The following ATG7 variants were observed in gnomAD, a reference collection of about 807,000 sequenced individuals.
The protein encoded by ATG7 is ubiquitin-like modifier-activating enzyme ATG7.
ATG7 carries 70 observed loss-of-function variants against 82.4 expected under a neutral mutation model. The observed-to-expected ratio is 0.85, with a 90% CI of 0.70 to 1.04. The LOEUF (loss-of-function observed/expected upper bound fraction) is 1.04, where lower values mean the gene tolerates loss of function less well. ATG7 is among the 50% of genes least tolerant of loss of function. The pLI, the probability that ATG7 is intolerant of heterozygous loss-of-function variation, is 0.00. For synonymous variants in ATG7, 287 were observed against 313.0 expected (o/e 0.92, Z 0.88); for missense variants, 792 against 864.3 (o/e 0.92, Z 1.05).
intron 10 of ATG7, 49 bp downstream of exon 10, chr3:11,331,477 A>G (rs1454314465): frequency 2.2e-6 from 3 of 1,346,848 alleles, no homozygotes; most frequent in Admixed American, 1.7e-5. Context: ...TTGCCAGTAT[A>G]TGTTTTACAA....
At chr3:11,425,698 A>C (rs2152940862) in intron 19 of ATG7, among the ~76,000 whole-genome samples, 1 of 152,132 alleles carries the variant, frequency 6.6e-6, no homozygotes, top group African/African-American at 2.4e-5. Flanking sequence ...TCCAAAAAAA[A>C]CACATAAGTC....
At chr3:11,534,547 C>T (rs1037515431) in intron 20 of ATG7, among the ~76,000 whole-genome samples, 3 of 152,240 alleles carry the variant, frequency 2.0e-5, no homozygotes, top group African/African-American at 7.2e-5. Context: ...CCTGAATGTG[C>T]GTCCTTCATG....
At chr3:11,520,836 G>A (rs1392005497) in intron 20 of ATG7, among the ~76,000 whole-genome samples, 1 of 152,126 alleles carries the variant, frequency 6.6e-6, no homozygotes, top group African/African-American at 2.4e-5. Flanking sequence ...CATTTAGTAG[G>A]AGCCACCCCA....
chr3:11,276,569 C>G (rs754421307), intron 1 of ATG7, among the ~76,000 whole-genome samples: 1 of 152,188 alleles, frequency 6.6e-6, no homozygotes, highest in African/African-American at 2.4e-5. Context: ...ATCCTGCTCT[C>G]GTCCCACCAC....
chr3:11,420,821 T>C (rs1416022649), intron 19 of ATG7, among the ~76,000 whole-genome samples: 1 of 149,934 alleles, frequency 6.7e-6, no homozygotes, highest in African/African-American at 2.5e-5. Flanking sequence ...AATGGCGCGA[T>C]CTCGGCTCAC....
At position 11,408,016 on chromosome 3, in the gene ATG7, G is replaced by T. The variant is rs181814566; in HGVS notation, c.1957-18788G>T. 1.6e-3 allele frequency among the ~76,000 whole-genome samples: 238 copies of T among 152,336 alleles called. 1 individual carries two copies. Among genetic ancestry groups the T allele is most frequent in the African/African-American group, 5.6e-3 (232 of 41,574 alleles). The stretch of plus-strand genomic sequence containing the variant: ...TGGCTTGAATTTCTCCTCAGAAAAT[G>T]GGATTTTCTTTTCTATTGCATTGTC... On this transcript the variant is annotated intron_variant, in intron 19 of 20. Coordinates refer to ENST00000693202, the MANE Select transcript of ATG7 (RefSeq NM_001349232.2).
rs757901917 is a variant in ATG7 at position 11,481,192 on chromosome 3, C to T, written c.2079+54266C>T. On this transcript the variant is annotated intron_variant, in intron 20 of 20. Coordinates refer to ENST00000693202, the MANE Select transcript of ATG7 (RefSeq NM_001349232.2). The stretch of plus-strand genomic sequence containing the variant: ...ACAAATATAGGAGTTAGGGTTTAAC[C>T]GGTACAAGGTTTCAGCTGGGGGCAG... Among the ~76,000 whole-genome samples the T allele has an allele frequency of 6.6e-5, 10 of 152,222 alleles. 1 individual carries two copies. Among genetic ancestry groups the T allele is most frequent in the African/African-American group, 1.2e-4 (5 of 41,524 alleles).
rs1422083175 is a variant in ATG7 at position 11,277,899 on chromosome 3, C to CCA, written c.-365-3094_-365-3093insAC. Among the ~76,000 whole-genome samples the CCA allele has an allele frequency of 2.2e-5, 3 of 133,584 alleles. No individual in the cohort carries two copies. In the South Asian group the frequency reaches 9.8e-4, roughly 44 times the overall value. The allele number at this position is 133,584 out of a possible 152,430, so 87.6% of individuals were successfully genotyped here. A position where few individuals can be genotyped will look rare whatever the true frequency, so the allele number is the denominator to read the frequency against. ...AGAGCGGCCCTTTATAGACCCCCCCCCCCCCACCAGGAATGCATTCCTTTC... is the reference window on the plus strand; with the variant it reads ...AGAGCGGCCCTTTATAGACCCCCCCCCACCCCCACCAGGAATGCATTCCTTTC... On this transcript the variant is annotated intron_variant, in intron 1 of 20. Coordinates refer to ENST00000693202, the MANE Select transcript of ATG7 (RefSeq NM_001349232.2).
At chr3:11,559,962 CAG>C (rs1304758192), downstream of ATG7, among the ~76,000 whole-genome samples, 2 of 152,138 alleles carry the variant, frequency 1.3e-5, no homozygotes, top group Admixed American at 6.6e-5. Flanking sequence ...CAAATCGGGA[CAG>C]AGAGGAAATG....
intron 20 of ATG7, among the ~76,000 whole-genome samples, chr3:11,450,890 T>C (rs1004469393): frequency 6.6e-6 from 1 of 152,218 alleles, no homozygotes; most frequent in African/African-American, 2.4e-5. Context: ...AATGAATGCC[T>C]TCCAAAGGGC....
intron 20 of ATG7, among the ~76,000 whole-genome samples, chr3:11,461,060 C>T (rs1328638894): frequency 1.3e-5 from 2 of 152,158 alleles, no homozygotes; most frequent in Non-Finnish European, 2.9e-5. Flanking sequence ...CAATCTACCA[C>T]AATGGGTCAA....
At chr3:11,508,300 C>T (rs1254782592) in intron 20 of ATG7, among the ~76,000 whole-genome samples, 5 of 150,288 alleles carry the variant, frequency 3.3e-5, no homozygotes, top group South Asian at 2.1e-4. Flanking sequence ...TACCTTGGGC[C>T]GCACATAAAA....
At position 11,380,069 on chromosome 3, in the gene ATG7, T is replaced by G; in HGVS notation, c.1956+17T>G. 1 of 1,610,102 alleles carries G rather than the reference T, an allele frequency of 6.2e-7. No homozygotes were observed. On this transcript the variant is annotated intron_variant, in intron 19 of 20. Coordinates refer to ENST00000693202, the MANE Select transcript of ATG7 (RefSeq NM_001349232.2). ...TCTTCCAAAGTAAGTCATTTTGTAT[T>G]GGAGGGACTTGTTTTTAAAAGTGAG...
chr3:11,506,269 C>T lies in ATG7; in HGVS notation c.2080-48542C>T, dbSNP rs147329803. Among the ~76,000 whole-genome samples, 426 of 152,216 alleles carry T rather than the reference C, an allele frequency of 2.8e-3. 3 individuals are homozygous for T. Among genetic ancestry groups the T allele is most frequent in the African/African-American group, 9.1e-3 (380 of 41,544 alleles). On this transcript the variant is annotated intron_variant, in intron 20 of 20. Transcript: ENST00000693202. ...TCCATGTAACAGTCTAGAGCTGCAC[C>T]ATCCAGTGCGGTGGCCACTAAGCAC...
At chr3:11,388,804 A>T (rs2078532695) in intron 19 of ATG7, among the ~76,000 whole-genome samples, 2 of 152,110 alleles carry the variant, frequency 1.3e-5, no homozygotes, top group African/African-American at 2.4e-5. Flanking sequence ...TTTGTAAGAT[A>T]GGGAGGGAGG....
At chr3:11,338,433 A>C (rs1575548010) in intron 11 of ATG7, among the ~76,000 whole-genome samples, 1 of 152,222 alleles carries the variant, frequency 6.6e-6, no homozygotes, top group Non-Finnish European at 1.5e-5. Context: ...GAGTAGTAAT[A>C]AAATCAAACA....
chr3:11,460,268 A>G (rs998488522), intron 20 of ATG7, among the ~76,000 whole-genome samples: 1 of 152,220 alleles, frequency 6.6e-6, no homozygotes, highest in African/African-American at 2.4e-5. Context: ...CATGAGGAGC[A>G]TACATAGGCC....
Position 11,545,892 on chromosome 3 carries a change from C to T in ATG7, c.2080-8919C>T, listed in dbSNP as rs146474260. The stretch of plus-strand genomic sequence containing the variant: ...CCATACCCCCATTGTTTCCCGGAGG[C>T]ATTTTGGGAGGCCAAGCCAGAGGAT... On this transcript the variant is annotated intron_variant, in intron 20 of 20. Transcript: ENST00000693202. 9.9e-3 allele frequency among the ~76,000 whole-genome samples: 1,506 copies of T among 151,888 alleles called. 45 individuals carry two copies. The highest frequency in any genetic ancestry group is 0.065 in the Admixed American group (987 of 15,272).
chr3:11,431,707 C>T (rs556979723), intron 20 of ATG7, among the ~76,000 whole-genome samples: 1 of 152,264 alleles, frequency 6.6e-6, no homozygotes, highest in East Asian at 1.9e-4. Flanking sequence ...TAGCAAGGTA[C>T]GCAATTGTTT....
Sources: allele counts gnomAD v4.1 joint callset (sites outside exome capture counted in the v4.1 genomes callset), GRCh38; gene constraint gnomAD v4.1.1; transcripts MANE v1.5; gene names NCBI Gene and HGNC (gene_info 2026-07-23, HGNC 2026-07-21).